The following PRG4 variants were observed in gnomAD, a reference collection of about 807,000 sequenced individuals.
PRG4 encodes the protein proteoglycan 4, also known as articular superficial zone protein.
PRG4 carries 61 observed loss-of-function variants against 91.2 expected under a neutral mutation model. That is an observed-to-expected ratio of 0.67 (90% CI 0.54 to 0.83). The LOEUF is 0.83. PRG4 is among the 40% of genes least tolerant of loss of function. The probability of loss-of-function intolerance (pLI) is 0.00; values close to 1 mark genes in which losing one functional copy is unlikely to be tolerated. For synonymous variants in PRG4, 576 were observed against 614.2 expected, an observed-to-expected ratio of 0.94 and a Z score of 0.92; for missense variants, 1,564 against 1,714.2, an observed-to-expected ratio of 0.91 and a Z score of 1.55.
At position 186,308,936 on chromosome 1, in the gene PRG4, C is replaced by A. The variant is rs778041185; in HGVS notation, c.3217C>A (p.Leu1073Ile). ...TACCTCAAGAATAGCAGAAGCCATG[C>A]TCCAAACCACCACCAGACCTAACCA... ...NPTSRIAEAM[L>I]QTTTRPNQTP... Residue 1073 changes from leucine (L) to isoleucine (I), a missense_variant, in exon 7 of 13, where the codon CTC becomes ATC. Transcript: ENST00000445192. 1 of 1,611,036 alleles carries A rather than the reference C, an allele frequency of 6.2e-7. No homozygotes were observed. The highest frequency in any genetic ancestry group is 1.1e-5 in the South Asian group (1 of 90,606).
chr1:186,314,236 GA>G lies in PRG4; in HGVS notation c.*461del. 1 of 487,398 alleles carries G rather than the reference GA, an allele frequency of 2.1e-6. No individual in the cohort carries two copies. Among genetic ancestry groups the G allele is most frequent in the South Asian group, 3.4e-5 (1 of 29,238 alleles). 30.2% of individuals were successfully genotyped at this position (487,398 alleles called of 1,614,324 possible). On this transcript the variant is annotated 3_prime_UTR_variant, in exon 13 of 13. Coordinates refer to ENST00000445192, the MANE Select transcript of PRG4 (RefSeq NM_005807.6). ...TCTAAAAGTTATATTGGAAAACATG[GA>G]AATATTAAAATTTTACACTTTTACT...
intron 8 of PRG4, 75 bp downstream of exon 8, chr1:186,309,945 G>T: frequency 5.5e-6 from 7 of 1,279,788 alleles, no homozygotes; most frequent in Non-Finnish European, 8.0e-6. Context: ...CCGTGGAAGA[G>T]TGCTAGTTTG....
At chr1:186,306,238 A>G (rs1571562034) in intron 6 of PRG4, 80 bp from the exon 7 acceptor site, 2 of 1,154,732 alleles carry the variant, frequency 1.7e-6, no homozygotes, top group South Asian at 1.5e-5. Flanking sequence ...CAACTAGTCA[A>G]TGATAAAGAT....
chr1:186,312,115 C>G (rs1273466735), intron 10 of PRG4, 60 bp from the exon 11 acceptor site: 1 of 1,506,486 alleles, frequency 6.6e-7, no homozygotes, highest in Non-Finnish European at 9.2e-7. Context: ...TGTTTTCCAC[C>G]TTTTCTGAGG....
At chr1:186,296,465 A>C (rs1375835989) in intron 1 of PRG4, among the ~76,000 whole-genome samples, 172 bp downstream of exon 1, 1 of 152,262 alleles carries the variant, frequency 6.6e-6, no homozygotes, top group Non-Finnish European at 1.5e-5. Context: ...AAGTTGGAAC[A>C]GTAACTCCAT....
intron 5 of PRG4, 134 bp from the exon 6 acceptor site, chr1:186,304,660 G>A: frequency 8.9e-7 from 1 of 1,119,256 alleles, no homozygotes; most frequent in Non-Finnish European, 1.3e-6. Context: ...AAGGCAGTTG[G>A]TCATATTACT....
rs751561277 is a variant in PRG4 at position 186,311,421 on chromosome 1, TTC to T, written c.3637-15_3637-14del. 66 of 1,609,302 alleles carry T rather than the reference TTC, an allele frequency of 4.1e-5. 1 individual carries two copies. The South Asian group carries it at 6.4e-4, about 16-fold the overall frequency. On this transcript the variant is annotated splice_polypyrimidine_tract_variant and intron_variant, in intron 9 of 12. Transcript: ENST00000445192. ...TTTTCCCAAAGCTGATAACATAATT[TTC>T]TCTTTTAAATTATCAGGATTCTCAG...
intron 8 of PRG4, 112 bp downstream of exon 8, chr1:186,309,982 T>C (rs1657058930): frequency 2.4e-6 from 2 of 821,424 alleles, no homozygotes; most frequent in East Asian, 2.5e-5. Context: ...GGAATCTGAT[T>C]GATAAGCACA....
chr1:186,312,236 G>C lies in PRG4; in HGVS notation c.3855G>C (p.Arg1285Ser), dbSNP rs765843977. 1.1e-5 allele frequency: 17 copies of C among 1,613,924 alleles called. No individual in the cohort carries two copies. The highest frequency in any genetic ancestry group is 3.4e-6 in the Non-Finnish European group (4 of 1,179,966). ...CTGTACAGAAGTGCCCTGGAAGAAG[G>C]CCTGCTCTAAATTATCCAGTGTATG... ...QEPVQKCPGR[R>S]PALNYPVYGE... Residue 1285 changes from arginine (R) to serine (S), a missense_variant, in exon 11 of 13, where the codon AGG (arginine) becomes AGC (serine). By Grantham distance (110) the Arg-to-Ser change is moderately radical (BLOSUM62 -1). Around this residue, in one of 3 missense-constraint regions of PRG4, gnomAD observed 1,079 missense variants for 1,162.2 expected, o/e 0.93. Transcript: ENST00000445192.
rs765843977 is a variant in PRG4, at chr1:186,312,236, G to A, written c.3855G>A (p.Arg1285=). The change falls in exon 11 of 13, where the codon AGG becomes AGA. Residue 1285 remains arginine (R), a synonymous_variant. Transcript: ENST00000445192. ...QEPVQKCPGR[R]PALNYPVYGE... The stretch of plus-strand genomic sequence containing the variant: ...CTGTACAGAAGTGCCCTGGAAGAAG[G>A]CCTGCTCTAAATTATCCAGTGTATG... The A allele has an allele frequency of 1.2e-6, 2 of 1,614,042 alleles. No homozygotes were observed. The highest frequency in any genetic ancestry group is 3.3e-5 in the Admixed American group (2 of 60,026).
intron 9 of PRG4, 29 bp downstream of exon 9, chr1:186,311,199 TTAA>T (rs750042212): frequency 1.3e-5 from 21 of 1,589,398 alleles, no homozygotes; most frequent in African/African-American, 2.7e-5. Context: ...TGAGAGAAAT[TTAA>T]TAATAATTTG....
Position 186,307,685 on chromosome 1 carries a change from C to T in PRG4, c.1966C>T (p.Pro656Ser), listed in dbSNP as rs1419626516. Residue 656 changes from proline to serine, a missense_variant, in exon 7 of 13, where the codon CCC becomes TCC. Pro to Ser is a moderately conservative substitution (Grantham distance 74, BLOSUM62 -1). This residue lies in a region of PRG4 where 1,079 missense variants were observed against 1,162.2 expected (regional missense o/e 0.93). Coordinates refer to ENST00000445192, the MANE Select transcript of PRG4 (RefSeq NM_005807.6). ...GCTCGCACCCACCACCCCTGAGGAG[C>T]CCACACCCACCACCCCTGAGGAGCC... ...EELAPTTPEE[P>S]TPTTPEEPAP... is the part of the protein sequence containing the mutation. 1 of 1,603,474 alleles carries T rather than the reference C, an allele frequency of 6.2e-7. No homozygotes were observed. The highest frequency in any genetic ancestry group is 2.2e-5 in the East Asian group (1 of 44,544).
At chr1:186,304,363 C>A in intron 5 of PRG4, 106 bp downstream of exon 5, 1 of 1,301,180 alleles carries the variant, frequency 7.7e-7, no homozygotes, top group Non-Finnish European at 1.1e-6. Context: ...TCTTAGGAAT[C>A]ATGAGCCTCA....
At position 186,308,717 on chromosome 1, in the gene PRG4, A is replaced by G; in HGVS notation, c.2998A>G (p.Lys1000Glu). ...KTITTTEIMN[K>E]PEETAKPKDR... ...AATTACTACCACTGAGATTATGAAC[A>G]AACCTGAAGAAACAGCTAAACCAAA... Residue 1000 changes from lysine to glutamate, a missense_variant, in exon 7 of 13, where the codon AAA (lysine) becomes GAA (glutamate). Lys to Glu is a moderately conservative substitution (Grantham distance 56, BLOSUM62 1). Transcript: ENST00000445192. The G allele has an allele frequency of 6.2e-7, 1 of 1,613,902 alleles. No individual in the cohort carries two copies. Among genetic ancestry groups the G allele is most frequent in the Non-Finnish European group, 8.5e-7 (1 of 1,180,000 alleles).
rs373873150 is a variant in PRG4, at chr1:186,312,718, T to C, written c.3992-51T>C. Reference sequence around the variant, plus strand: ...CTCAGATGTCTGGCTCTTTCCAAGATAGTACATTGCCTTTTAATCTGGTAT... The same window carrying C: ...CTCAGATGTCTGGCTCTTTCCAAGACAGTACATTGCCTTTTAATCTGGTAT... On this transcript the variant is annotated intron_variant, in intron 11 of 12. Transcript: ENST00000445192. The C allele has an allele frequency of 1.0e-4, 159 of 1,584,106 alleles. 1 individual carries two copies. The African/African-American group carries it at 1.8e-3, about 18-fold the overall frequency.
chr1:186,303,781 C>A (rs945472882), intron 4 of PRG4, among the ~76,000 whole-genome samples: 2 of 152,100 alleles, frequency 1.3e-5, no homozygotes, highest in Admixed American at 1.3e-4. Flanking sequence ...GAATAAACAT[C>A]TTAGTTTGTA....
chr1:186,310,586 G>A (rs919787756), intron 8 of PRG4, among the ~76,000 whole-genome samples: 4 of 151,790 alleles, frequency 2.6e-5, no homozygotes, highest in African/African-American at 9.7e-5. Context: ...GGGCCCAAGT[G>A]ATCCTCCCAT....
chr1:186,302,274 T>G (rs1447538336), intron 4 of PRG4, among the ~76,000 whole-genome samples: 1 of 152,214 alleles, frequency 6.6e-6, no homozygotes, highest in Admixed American at 6.5e-5. Context: ...CAGTCTCTAT[T>G]CCAATACATG....
rs781580079 is a variant in PRG4 at position 186,308,470 on chromosome 1, C to G, written c.2751C>G (p.Asp917Glu). Residue 917 changes from aspartate (D) to glutamate (E), a missense_variant, in exon 7 of 13, where the codon GAC (aspartate) becomes GAG (glutamate). By Grantham distance (45) the Asp-to-Glu change is conservative (BLOSUM62 2). Around this residue, in one of 3 missense-constraint regions of PRG4, gnomAD observed 1,079 missense variants for 1,162.2 expected, o/e 0.93. Transcript: ENST00000445192. ...CTGAAATGACTACAACAGCTAAAGA[C>G]AAGACAACAGAAAGAGACTTACGTA... Reference protein sequence around the residue: ...TKPEMTTTAKDKTTERDLRTT... With the variant: ...TKPEMTTTAKEKTTERDLRTT... The G allele has an allele frequency of 5.8e-5, 93 of 1,613,744 alleles. No homozygotes were observed. The highest frequency in any genetic ancestry group is 7.4e-5 in the Non-Finnish European group (87 of 1,180,032).
Sources: allele counts gnomAD v4.1 joint callset (sites outside exome capture counted in the v4.1 genomes callset), GRCh38; gene constraint gnomAD v4.1.1; regional missense constraint gnomAD v4.1.1; transcripts MANE v1.5; gene names NCBI Gene and HGNC (gene_info 2026-07-23, HGNC 2026-07-21).